The following IGSF9 variants were observed in gnomAD, a reference collection of about 807,000 sequenced individuals.
The protein encoded by IGSF9 is immunoglobulin superfamily member 9.
IGSF9 carries 87 observed loss-of-function variants against 121.7 expected under a neutral mutation model. The ratio of observed to expected loss-of-function variants is 0.71; its 90% CI spans 0.60 to 0.85. The LOEUF (loss-of-function observed/expected upper bound fraction) is 0.85, where lower values mean the gene tolerates loss of function less well. Among genes scored for constraint, IGSF9 ranks in the 40% least tolerant of loss-of-function variants. The pLI, the probability that IGSF9 is intolerant of heterozygous loss-of-function variation, is 0.00. For synonymous variants in IGSF9, 640 were observed against 648.4 expected (o/e 0.99, Z 0.20); for missense variants, 1,462 against 1,565.3 (o/e 0.93, Z 1.11).
chr1:159,928,369 G>A lies in IGSF9; in HGVS notation c.3019C>T (p.Arg1007Trp), dbSNP rs372493843. 28 of 1,608,968 alleles carry A rather than the reference G, an allele frequency of 1.7e-5. No individual in the cohort carries two copies. The highest frequency in any genetic ancestry group is 1.7e-4 in the African/African-American group (13 of 74,878). ...GCAGGGAGAAGGCCTGGCAGCAGCCGCTCCCTCAGTGTCCAGTCAGCCAGG... is the reference window on the plus strand; with the variant it reads ...GCAGGGAGAAGGCCTGGCAGCAGCCACTCCCTCAGTGTCCAGTCAGCCAGG... ...TALADWTLRE[R>W]LLPGLLPAAP... The change falls in exon 19 of 21, where the codon CGG (arginine) becomes TGG (tryptophan). Residue 1007 changes from arginine (R) to tryptophan (W), a missense_variant. Physicochemically the swap from Arg to Trp is moderately radical, Grantham distance 101. Transcript: ENST00000368094.
rs764643398 is a variant in IGSF9 at position 159,928,940 on chromosome 1, C to G, written c.2448G>C (p.Gln816His). 13 of 1,546,566 alleles carry G rather than the reference C, an allele frequency of 8.4e-6. No homozygotes were observed. In the Middle Eastern group the frequency reaches 5.2e-4, roughly 62 times the overall value. The change falls in exon 19 of 21, where the codon CAG becomes CAC. Residue 816 changes from glutamine (Q) to histidine (H), a missense_variant. Physicochemically the swap from Gln to His is conservative, Grantham distance 24. This residue lies in a region of IGSF9 where 808 missense variants were observed against 815.2 expected (regional missense o/e 0.99). Coordinates refer to ENST00000368094, the MANE Select transcript of IGSF9 (RefSeq NM_001135050.2). ...CGGCAGGATCCCCCCAGAGCAGACT[C>G]TGGCGCAGGCTGGGGACTGGGGATC... The part of the protein sequence containing the change: ...LQGSPVPSLR[Q>H]SLLWGDPAGT...
Position 159,934,819 on chromosome 1 carries a change from G to A in IGSF9, c.677C>T (p.Pro226Leu), listed in dbSNP as rs774440380. Residue 226 changes from proline to leucine, a missense_variant, in exon 7 of 21, where the codon CCC (proline) becomes CTC (leucine). Coordinates refer to ENST00000368094, the MANE Select transcript of IGSF9 (RefSeq NM_001135050.2). ...THATQLLVLG[P>L]PVIVVPPKNS... is the part of the protein sequence containing the mutation. The stretch of plus-strand genomic sequence containing the variant: ...CTTGGGGGGCACCACGATGACTGGG[G>A]GTCCTGTGGGATGCACAAGGGGAGG... 8.1e-6 allele frequency: 13 copies of A among 1,614,014 alleles called. No homozygotes were observed. Among genetic ancestry groups the A allele is most frequent in the Non-Finnish European group, 5.1e-6 (6 of 1,179,976 alleles).
Position 159,928,875 on chromosome 1 carries a change from C to A in IGSF9, c.2513G>T (p.Gly838Val). 2 of 1,593,050 alleles carry A rather than the reference C, an allele frequency of 1.3e-6. No individual in the cohort carries two copies. The highest frequency in any genetic ancestry group is 1.7e-6 in the Non-Finnish European group (2 of 1,170,328). The change falls in exon 19 of 21, where the codon GGA becomes GTA. Residue 838 changes from glycine (G) to valine (V), a missense_variant. Gly to Val is a moderately radical substitution (Grantham distance 109, BLOSUM62 -3). Around this residue, in one of 3 missense-constraint regions of IGSF9, gnomAD observed 808 missense variants for 815.2 expected, o/e 0.99. Transcript: ENST00000368094. ...SPHPDPPSSR[G>V]PLPLEPICRG... ...GCAAATGGGCTCCAGAGGTAAGGGTCCCCGGCTAGATGGAGGATCCGGGTG... is the reference window on the plus strand; with the variant it reads ...GCAAATGGGCTCCAGAGGTAAGGGTACCCGGCTAGATGGAGGATCCGGGTG...
At chr1:159,938,347 T>G (rs1232133577) in intron 3 of IGSF9, among the ~76,000 whole-genome samples, 1 of 152,134 alleles carries the variant, frequency 6.6e-6, no homozygotes, top group Non-Finnish European at 1.5e-5. Context: ...AGGGCTATTA[T>G]CAGCAGCCTA....
At position 159,931,896 on chromosome 1, in the gene IGSF9, T is replaced by C. The variant is rs1281884113; in HGVS notation, c.1278A>G (p.Glu426=). The C allele has an allele frequency of 6.3e-7, 1 of 1,596,332 alleles. No homozygotes were observed. The highest frequency in any genetic ancestry group is 2.2e-5 in the East Asian group (1 of 44,736). The change falls in exon 11 of 21, where the codon GAA becomes GAG. Residue 426 remains glutamate, a synonymous_variant. Coordinates refer to ENST00000368094, the MANE Select transcript of IGSF9 (RefSeq NM_001135050.2). This position sits in a 1 kb window ranked among gnomAD's most constrained non-coding sequence, Gnocchi z 4.8. ...CCCGCCCTACTTCTTGGAAATATTC[T>C]TCCTTGGGCCGCTCTATAAAAGCTG... The part of the protein sequence containing the change: ...APPAFIERPK[E]EYFQEVGREL...
Position 159,943,395 on chromosome 1 carries a change from AC to A in IGSF9, c.58+1del. 1 of 1,584,384 alleles carries A rather than the reference AC, an allele frequency of 6.3e-7. No homozygotes were observed. Among genetic ancestry groups the A allele is most frequent in the Admixed American group, 1.8e-5 (1 of 55,832 alleles). On this transcript the variant is annotated splice_donor_variant, in intron 2 of 20. Transcript: ENST00000368094. LOFTEE classifies it high-confidence loss of function. Reference sequence around the variant, plus strand: ...ATTCTTGAGCCCAAGAGCTCAGCTTACCGTCAGCCCCCTGGCTGATGACCAG... The same window carrying A: ...ATTCTTGAGCCCAAGAGCTCAGCTTACGTCAGCCCCCTGGCTGATGACCAG...
intron 6 of IGSF9, among the ~76,000 whole-genome samples, chr1:159,935,889 G>A (rs1651165242): frequency 6.6e-6 from 1 of 152,116 alleles, no homozygotes; most frequent in African/African-American, 2.4e-5. Flanking sequence ...ACAGTACCAC[G>A]GACAGCAACA....
rs373589892 is a variant in IGSF9 at position 159,943,069 on chromosome 1, G to T, written c.141C>A (p.Ala47=). Residue 47 remains alanine (A), a synonymous_variant, in exon 3 of 21, where the codon GCC becomes GCA. Transcript: ENST00000368094. The stretch of plus-strand genomic sequence containing the variant: ...CGATGACATGCAGGGGGGGCCGGCC[G>T]GCCGGGGGCAGCAGGTCACAGCCCA... ...VVLGCDLLPP[A]GRPPLHVIEW... is the part of the protein sequence containing the mutation. 6.2e-7 allele frequency: 1 copy of T among 1,612,802 alleles called. No individual in the cohort carries two copies. Among genetic ancestry groups the T allele is most frequent in the East Asian group, 2.2e-5 (1 of 44,778 alleles).
Position 159,943,405 on chromosome 1 carries a change from C to G in IGSF9, c.50G>C (p.Gly17Ala). 6.3e-7 allele frequency: 1 copy of G among 1,588,260 alleles called. No individual in the cohort carries two copies. ...LAVLSLVISQ[G>A]ADGRGKPEVV... ...CCAAGAGCTCAGCTTACCGTCAGCC[C>G]CCTGGCTGATGACCAGGCTGAGGAC... The change falls in exon 2 of 21, where the codon GGG becomes GCG. Residue 17 changes from glycine to alanine, a missense_variant. Coordinates refer to ENST00000368094, the MANE Select transcript of IGSF9 (RefSeq NM_001135050.2).
intron 5 of IGSF9, 67 bp downstream of exon 5, chr1:159,936,687 C>T (rs2101880100): frequency 6.3e-7 from 1 of 1,583,780 alleles, no homozygotes; most frequent in Non-Finnish European, 8.6e-7. Context: ...TCCTCTGGCC[C>T]CACTGCCAGG....
Position 159,929,350 on chromosome 1 carries a change from C to A in IGSF9, c.2369+1G>T. ...AAAGCCAAGGAGGTGGAGGCACTTA[C>A]GGTGCAGCTGACTTCCCGGTCGGAG... is the stretch of plus-strand genomic sequence containing the variant. On this transcript the variant is annotated splice_donor_variant, in intron 18 of 20. Transcript: ENST00000368094. LOFTEE classifies it high-confidence loss of function. The A allele has an allele frequency of 1.2e-6, 2 of 1,613,988 alleles. No individual in the cohort carries two copies. The highest frequency in any genetic ancestry group is 1.7e-6 in the Non-Finnish European group (2 of 1,179,876).
chr1:159,930,930 C>T, intron 13 of IGSF9, 63 bp from the exon 14 acceptor site: 1 of 1,496,542 alleles, frequency 6.7e-7, no homozygotes, highest in Non-Finnish European at 9.0e-7. Flanking sequence ...ATCTGGGGTC[C>T]AGAGATCTAA....
chr1:159,936,516 C>T lies in IGSF9; in HGVS notation c.556G>A (p.Val186Met). Residue 186 changes from valine to methionine, a missense_variant and splice_region_variant, in exon 6 of 21, where the codon GTG (valine) becomes ATG (methionine). This residue lies in a region of IGSF9 where 558 missense variants were observed against 599.4 expected (regional missense o/e 0.93). Transcript: ENST00000368094. The part of the protein sequence containing the change: ...DLGQGQGQVQ[V>M]QNGTLRIRRV... ...CGGATCCGCAGCGTCCCGTTCTGCA[C>T]CTAGGGAAGGAGTGGGTGAGGAAGA... 2 of 1,613,702 alleles carry T rather than the reference C, an allele frequency of 1.2e-6. No homozygotes were observed. Among genetic ancestry groups the T allele is most frequent in the Non-Finnish European group, 1.7e-6 (2 of 1,179,766 alleles).
In IGSF9 at chr1:159,929,753, G is replaced by C. The variant is rs760703848; in HGVS notation, c.2211C>G (p.Ala737=). The change falls in exon 17 of 21, where the codon GCC becomes GCG. Residue 737 remains alanine (A), a synonymous_variant. Coordinates refer to ENST00000368094, the MANE Select transcript of IGSF9 (RefSeq NM_001135050.2). ...GAAAGCAGACTCCGCCCACCACGCC[G>C]GCCAGCACGGGCTGAGGCAGGAGGC... ...LPGLLPQPVL[A]GVVGGVCFLG... is the part of the protein sequence containing the mutation. 1.9e-6 allele frequency: 3 copies of C among 1,604,758 alleles called. No homozygotes were observed. The highest frequency in any genetic ancestry group is 2.6e-6 in the Non-Finnish European group (3 of 1,176,252).
In IGSF9 at chr1:159,932,063, C is replaced by T; in HGVS notation, c.1246-135G>A. ...CCCCCTAGCTAAACACTCACCAAGC[C>T]TGTCTCTACCTCATTCTCTCTCCAT... On this transcript the variant is annotated intron_variant, in intron 10 of 20. Coordinates refer to ENST00000368094, the MANE Select transcript of IGSF9 (RefSeq NM_001135050.2). The surrounding 1 kb of genome is among the most constrained non-coding windows in gnomAD (Gnocchi z 4.1). 1 of 622,994 alleles carries T rather than the reference C, an allele frequency of 1.6e-6. No homozygotes were observed. The highest frequency in any genetic ancestry group is 2.8e-6 in the Non-Finnish European group (1 of 352,988). 38.6% of individuals were successfully genotyped at this position (622,994 alleles called of 1,614,324 possible). A position where few individuals can be genotyped will look rare whatever the true frequency, so the allele number is the denominator to read the frequency against.
At chr1:159,944,514 A>G (rs975815177) in intron 1 of IGSF9, among the ~76,000 whole-genome samples, 9 of 152,082 alleles carry the variant, frequency 5.9e-5, no homozygotes, top group African/African-American at 2.2e-4. Flanking sequence ...CCCCTCCAAT[A>G]TCTTCGGGGT....
rs756360684 is a variant in IGSF9, at chr1:159,943,168, A to G, written c.59-17T>C. ...TCCCTCGACCTGCATGATGGGTGGC[A>G]TGAGGGCACAACGGGGGGCTAGGGT... is the stretch of plus-strand genomic sequence containing the variant. On this transcript the variant is annotated splice_polypyrimidine_tract_variant and intron_variant, in intron 2 of 20. Transcript: ENST00000368094. 3 of 1,578,822 alleles carry G rather than the reference A, an allele frequency of 1.9e-6. No homozygotes were observed. The highest frequency in any genetic ancestry group is 2.3e-5 in the South Asian group (2 of 86,124).
rs1306328503 is a variant in IGSF9 at position 159,943,085 on chromosome 1, T to TC, written c.124dup (p.Asp42GlyfsTer37). ...GGGCCGGCCGGCCGGGGGCAGCAGG[T>TC]CACAGCCCAGCACCACACTCTCCCC... is the stretch of plus-strand genomic sequence containing the variant. On this transcript the variant is annotated frameshift_variant, in exon 3 of 21. Coordinates refer to ENST00000368094, the MANE Select transcript of IGSF9 (RefSeq NM_001135050.2). LOFTEE classifies it high-confidence loss of function. 1 of 1,612,400 alleles carries TC rather than the reference T, an allele frequency of 6.2e-7. No individual in the cohort carries two copies. The highest frequency in any genetic ancestry group is 8.5e-7 in the Non-Finnish European group (1 of 1,179,316).
Position 159,928,189 on chromosome 1 carries a change from G to C in IGSF9, c.3199C>G (p.Arg1067Gly), listed in dbSNP as rs1361892234. The change falls in exon 19 of 21, where the codon CGA becomes GGA. Residue 1067 changes from arginine to glycine, a missense_variant. Arg to Gly is a moderately radical substitution (Grantham distance 125, BLOSUM62 -2). Around this residue, in one of 3 missense-constraint regions of IGSF9, gnomAD observed 808 missense variants for 815.2 expected, o/e 0.99. Transcript: ENST00000368094. ...CTGACTGTCACCACATGCTCCCTTC[G>C]GGGCCATCTCTCAGGGCCACTGGCC... Reference protein sequence around the residue: ...SWASGPERWPRREHVVTVSKR... With the variant: ...SWASGPERWPGREHVVTVSKR... 6.2e-7 allele frequency: 1 copy of C among 1,611,084 alleles called. No homozygotes were observed. The highest frequency in any genetic ancestry group is 8.5e-7 in the Non-Finnish European group (1 of 1,179,896).
Sources: allele counts gnomAD v4.1 joint callset (sites outside exome capture counted in the v4.1 genomes callset), GRCh38; gene constraint gnomAD v4.1.1; regional missense constraint gnomAD v4.1.1; non-coding constraint Gnocchi (gnomAD v3.1); transcripts MANE v1.5; gene names NCBI Gene and HGNC (gene_info 2026-07-23, HGNC 2026-07-21).